Variants in NR6A1 observed in about 807,000 individuals in gnomAD.
NR6A1 encodes nuclear receptor subfamily 6 group A member 1.
In NR6A1, 7 loss-of-function variants were observed where a neutral mutation model predicts 59.1. The observed-to-expected ratio is 0.12, with a 90% CI of 0.07 to 0.22. The LOEUF is 0.22. Among genes scored for constraint, NR6A1 ranks in the 10% least tolerant of loss-of-function variants. NR6A1 has a pLI of 1.00. For synonymous variants in NR6A1, 243 were observed against 236.1 expected, an observed-to-expected ratio of 1.03 and a Z score of -0.27; for missense variants, 468 against 611.6, an observed-to-expected ratio of 0.77 and a Z score of 2.48.
At chr9:124,711,677 C>T (rs1225417886) in intron 2 of NR6A1, among the ~76,000 whole-genome samples, 1 of 152,172 alleles carries the variant, frequency 6.6e-6, no homozygotes, top group African/African-American at 2.4e-5. Flanking sequence ...AACCTTCTGT[C>T]CCTATTACCT....
At chr9:124,659,336 G>A (rs1200345313) in intron 2 of NR6A1, among the ~76,000 whole-genome samples, 7 of 152,196 alleles carry the variant, frequency 4.6e-5, no homozygotes, top group Non-Finnish European at 8.8e-5. Context: ...GCGTGCGATC[G>A]TGACTAGATT....
intron 2 of NR6A1, among the ~76,000 whole-genome samples, chr9:124,597,636 T>C (rs1417853182): frequency 6.6e-6 from 1 of 152,162 alleles, no homozygotes; most frequent in East Asian, 1.9e-4. Flanking sequence ...CTAACAATCC[T>C]TGATGCACCC....
chr9:124,606,047 C>T (rs1344140465), intron 2 of NR6A1, among the ~76,000 whole-genome samples: 1 of 152,172 alleles, frequency 6.6e-6, no homozygotes, highest in Non-Finnish European at 1.5e-5. Context: ...TACTTAAAAC[C>T]TTTCACGGCC....
chr9:124,665,599 CAGGAGCATTAAATGTAA>C (rs1837588655), intron 2 of NR6A1, among the ~76,000 whole-genome samples: 1 of 152,182 alleles, frequency 6.6e-6, no homozygotes, highest in Non-Finnish European at 1.5e-5. Flanking sequence ...TCATGATACA[CAGGAGCATTAAATGTAA>C]AGCATGTTTC....
chr9:124,541,146 A>G (rs989001131), intron 4 of NR6A1, among the ~76,000 whole-genome samples: 6 of 152,224 alleles, frequency 3.9e-5, no homozygotes, highest in African/African-American at 1.4e-4. Flanking sequence ...ACATTAAACT[A>G]AAAAGCTTCT....
At chr9:124,743,128 TCTGCAG>T (rs1180424490) in intron 1 of NR6A1, among the ~76,000 whole-genome samples, 1 of 152,248 alleles carries the variant, frequency 6.6e-6, no homozygotes, top group East Asian at 1.9e-4. Context: ...TACAGCCATA[TCTGCAG>T]CCTGCAAGCA....
chr9:124,595,472 A>T (rs911613760), intron 2 of NR6A1, among the ~76,000 whole-genome samples: 1 of 152,182 alleles, frequency 6.6e-6, no homozygotes, highest in Admixed American at 6.5e-5. Context: ...CGTATATTTA[A>T]TTTTTTTAAA....
intron 2 of NR6A1, among the ~76,000 whole-genome samples, chr9:124,660,426 T>C (rs1262310424): frequency 6.6e-6 from 1 of 152,204 alleles, no homozygotes; most frequent in Non-Finnish European, 1.5e-5. Flanking sequence ...GTTATTCACA[T>C]GACGATTCGA....
intron 6 of NR6A1, among the ~76,000 whole-genome samples, chr9:124,537,135 G>A (rs11792715): frequency 6.0e-5 from 9 of 150,246 alleles, no homozygotes; most frequent in Non-Finnish European, 1.0e-4. Context: ...GTGCAGTGGC[G>A]CAATCTCGGC....
chr9:124,607,834 CAGG>C (rs1297124424), intron 2 of NR6A1, among the ~76,000 whole-genome samples: 1 of 152,060 alleles, frequency 6.6e-6, no homozygotes, highest in Non-Finnish European at 1.5e-5. Context: ...CGCTTGAGGC[CAGG>C]AGTTCAAGAC....
chr9:124,553,564 T>C (rs1307734353), intron 3 of NR6A1, among the ~76,000 whole-genome samples: 3 of 147,386 alleles, frequency 2.0e-5, no homozygotes, highest in Non-Finnish European at 3.0e-5. Flanking sequence ...TTTTTTTTTT[T>C]TTTTTTTTTT....
At chr9:124,592,837 C>T (rs1207032007) in intron 2 of NR6A1, among the ~76,000 whole-genome samples, 1 of 152,144 alleles carries the variant, frequency 6.6e-6, no homozygotes, top group Non-Finnish European at 1.5e-5. Flanking sequence ...GTCACCAGTA[C>T]TTTGGAAGTT....
chr9:124,552,990 C>A lies in NR6A1; in HGVS notation c.385+1338G>T, dbSNP rs558974881. On this transcript the variant is annotated intron_variant, in intron 3 of 9. Coordinates refer to ENST00000487099, the MANE Select transcript of NR6A1 (RefSeq NM_033334.4). ...AATAGTTCACTATATCTGACTAACA[C>A]CCCCATCCCTGAACACTGCTGCTAT... Among the ~76,000 whole-genome samples the A allele has an allele frequency of 2.6e-5, 4 of 152,252 alleles. No individual in the cohort carries two copies. The East Asian group carries it at 7.7e-4, about 29-fold the overall frequency.
At chr9:124,674,583 C>G (rs1331058482) in intron 2 of NR6A1, among the ~76,000 whole-genome samples, 2 of 152,078 alleles carry the variant, frequency 1.3e-5, no homozygotes, top group Non-Finnish European at 2.9e-5. Flanking sequence ...AACATAAGTG[C>G]TATATAAATA....
intron 2 of NR6A1, among the ~76,000 whole-genome samples, chr9:124,564,454 C>T (rs1051315410): frequency 1.3e-5 from 2 of 151,896 alleles, no homozygotes; most frequent in African/African-American, 4.8e-5. Flanking sequence ...TAAAAGATGC[C>T]GTTTACAATA....
chr9:124,557,025 G>C (rs529476553), intron 2 of NR6A1, among the ~76,000 whole-genome samples: 1 of 152,288 alleles, frequency 6.6e-6, no homozygotes, highest in East Asian at 1.9e-4. Context: ...GGTTCTTGAG[G>C]ACTCTACAGT....
At chr9:124,570,456 G>A (rs1272042291) in intron 2 of NR6A1, among the ~76,000 whole-genome samples, 2 of 152,192 alleles carry the variant, frequency 1.3e-5, no homozygotes, top group East Asian at 3.8e-4. Flanking sequence ...TGTAGGCCTA[G>A]AAACAAACTA....
chr9:124,683,092 C>T (rs1322456157), intron 2 of NR6A1, among the ~76,000 whole-genome samples: 5 of 151,936 alleles, frequency 3.3e-5, no homozygotes. Flanking sequence ...ATCCCAGTAA[C>T]TTGGGAAGCT....
intron 1 of NR6A1, among the ~76,000 whole-genome samples, chr9:124,766,023 G>A (rs951910162): frequency 6.6e-6 from 1 of 152,076 alleles, no homozygotes; most frequent in Non-Finnish European, 1.5e-5. Flanking sequence ...AACAATCAAT[G>A]AACAAAAGAC....
Sources: allele counts gnomAD v4.1 joint callset (sites outside exome capture counted in the v4.1 genomes callset), GRCh38; gene constraint gnomAD v4.1.1; transcripts MANE v1.5; gene names NCBI Gene and HGNC (gene_info 2026-07-23, HGNC 2026-07-21).